The following PDGFD variants were observed in gnomAD, a reference collection of about 807,000 sequenced individuals.
PDGFD encodes the protein platelet-derived growth factor D.
In PDGFD, 30 loss-of-function variants were observed where a neutral mutation model predicts 44.7. The ratio of observed to expected loss-of-function variants is 0.67; its 90% CI spans 0.50 to 0.91. The LOEUF is 0.91. Among genes scored for constraint, PDGFD ranks in the 40% least tolerant of loss-of-function variants. The pLI is 0.00. For synonymous variants in PDGFD, 173 were observed against 168.4 expected (o/e 1.03, Z -0.21); for missense variants, 445 against 457.8 (o/e 0.97, Z 0.25).
chr11:103,909,425 C>T lies in PDGFD; in HGVS notation c.*269G>A, dbSNP rs1416116011. The T allele has an allele frequency of 2.6e-6, 1 of 381,632 alleles. No individual in the cohort carries two copies. The highest frequency in any genetic ancestry group is 4.9e-6 in the Non-Finnish European group (1 of 205,816). 23.6% of individuals were successfully genotyped at this position (381,632 alleles called of 1,614,324 possible). The stretch of plus-strand genomic sequence containing the variant: ...AACATTTGATCTATATACACATAGA[C>T]ATGAATATATTTCTGTGTGTGTTTG... On this transcript the variant is annotated 3_prime_UTR_variant, in exon 7 of 7. Coordinates refer to ENST00000393158, the MANE Select transcript of PDGFD (RefSeq NM_025208.5).
At chr11:103,927,333 AAAAAC>A (rs1297736604) in intron 5 of PDGFD, among the ~76,000 whole-genome samples, 1 of 152,188 alleles carries the variant, frequency 6.6e-6, no homozygotes, top group Non-Finnish European at 1.5e-5. Context: ...AAATAACAAC[AAAAAC>A]AAAACAAAAC....
chr11:103,996,260 A>C lies in PDGFD; in HGVS notation c.330-15T>G. 1 of 1,585,928 alleles carries C rather than the reference A, an allele frequency of 6.3e-7. No individual in the cohort carries two copies. The highest frequency in any genetic ancestry group is 8.6e-7 in the Non-Finnish European group (1 of 1,164,234). ...CAAAATCATACCTAGAATCAATTGG[A>C]CATAATGAACAAGTTTTGATTAAAG... is the stretch of plus-strand genomic sequence containing the variant. On this transcript the variant is annotated splice_polypyrimidine_tract_variant and intron_variant, in intron 2 of 6. Coordinates refer to ENST00000393158, the MANE Select transcript of PDGFD (RefSeq NM_025208.5).
intron 6 of PDGFD, among the ~76,000 whole-genome samples, chr11:103,912,619 A>C (rs1437652210): frequency 6.6e-6 from 1 of 152,208 alleles, no homozygotes. Flanking sequence ...GATCAAATTC[A>C]CACATAATAA....
intron 6 of PDGFD, among the ~76,000 whole-genome samples, chr11:103,911,861 A>C (rs530699313): frequency 1.4e-3 from 218 of 152,108 alleles, no homozygotes; most frequent in African/African-American, 5.1e-3. Context: ...AAATCGATCA[A>C]GCAGAAGAAA....
chr11:104,008,271 AT>A (rs1859733066), intron 1 of PDGFD, among the ~76,000 whole-genome samples: 1 of 152,034 alleles, frequency 6.6e-6, no homozygotes, highest in Non-Finnish European at 1.5e-5. Flanking sequence ...TGGTTGGACT[AT>A]GGGTAATAGA....
At chr11:104,075,304 T>C (rs1860940373) in intron 1 of PDGFD, among the ~76,000 whole-genome samples, 1 of 152,128 alleles carries the variant, frequency 6.6e-6, no homozygotes, top group South Asian at 2.1e-4. Context: ...ATTAGCTGTA[T>C]TTGGCTGTAT....
In PDGFD at chr11:104,115,288, T is replaced by C. The variant is rs182878480; in HGVS notation, c.124+48516A>G. 2.4e-3 allele frequency among the ~76,000 whole-genome samples: 353 copies of C among 149,466 alleles called. 1 individual carries two copies. Among genetic ancestry groups the C allele is most frequent in the African/African-American group, 8.3e-3 (337 of 40,774 alleles). ...ATATATATATGTATGTATATACATA[T>C]ATATATGACTATATATGATGGAATA... On this transcript the variant is annotated intron_variant, in intron 1 of 6. Coordinates refer to ENST00000393158, the MANE Select transcript of PDGFD (RefSeq NM_025208.5).
At chr11:103,951,130 A>G (rs763279730) in intron 3 of PDGFD, among the ~76,000 whole-genome samples, 4 of 152,146 alleles carry the variant, frequency 2.6e-5, no homozygotes, top group Non-Finnish European at 4.4e-5. Context: ...TTCTCTTAGC[A>G]ATACAAATGT....
At chr11:104,117,802 T>A (rs1312693034) in intron 1 of PDGFD, among the ~76,000 whole-genome samples, 1 of 151,968 alleles carries the variant, frequency 6.6e-6, no homozygotes. Flanking sequence ...AAAATGGCCA[T>A]ATTGCCAAAA....
intron 1 of PDGFD, among the ~76,000 whole-genome samples, chr11:104,030,144 G>C (rs2134388910): frequency 6.6e-6 from 1 of 152,194 alleles, no homozygotes; most frequent in South Asian, 2.1e-4. Flanking sequence ...TTTATACTTA[G>C]GTCCCATTTT....
intron 1 of PDGFD, among the ~76,000 whole-genome samples, chr11:104,160,206 G>C (rs1415366287): frequency 6.6e-6 from 1 of 152,088 alleles, no homozygotes; most frequent in African/African-American, 2.4e-5. Flanking sequence ...TAGAACTGCA[G>C]GCCTATCACT....
intron 2 of PDGFD, 29 bp downstream of exon 2, chr11:104,000,022 G>A: frequency 6.4e-7 from 1 of 1,558,290 alleles, no homozygotes; most frequent in Middle Eastern, 1.7e-4. Context: ...CCTTGAAATA[G>A]TACCGTAAAA....
At chr11:104,071,199 T>C (rs925620129) in intron 1 of PDGFD, among the ~76,000 whole-genome samples, 4 of 151,998 alleles carry the variant, frequency 2.6e-5, no homozygotes, top group African/African-American at 9.7e-5. Context: ...TAATAACATT[T>C]TTGTCTTGCA....
chr11:103,947,921 T>C (rs1858688523), intron 3 of PDGFD, among the ~76,000 whole-genome samples, 197 bp from the exon 4 acceptor site: 1 of 152,180 alleles, frequency 6.6e-6, no homozygotes, highest in Non-Finnish European at 1.5e-5. Flanking sequence ...ACATGGACAT[T>C]TTCTTGTAAG....
intron 1 of PDGFD, among the ~76,000 whole-genome samples, chr11:104,030,877 C>T (rs140922652): frequency 1.6e-3 from 239 of 152,254 alleles, no homozygotes; most frequent in African/African-American, 5.7e-3. Context: ...TCCCTGCACC[C>T]CACCTTATCC....
At chr11:104,055,069 T>C (rs929122742) in intron 1 of PDGFD, among the ~76,000 whole-genome samples, 10 of 152,218 alleles carry the variant, frequency 6.6e-5, no homozygotes, top group African/African-American at 2.4e-4. Flanking sequence ...TTCCTACCAA[T>C]GGCTTTTACA....
In PDGFD at chr11:104,037,225, G is replaced by GC. The variant is rs768424667; in HGVS notation, c.125-36971dup. The stretch of plus-strand genomic sequence containing the variant: ...GGGCTTGGCGTCAGGAGAGAAGGTG[G>GC]CCGGCCTGCAAGGTCTGGGCAGCCC... On this transcript the variant is annotated intron_variant, in intron 1 of 6. Transcript: ENST00000393158. 7 of 1,613,698 alleles carry GC rather than the reference G, an allele frequency of 4.3e-6. No individual in the cohort carries two copies. The Admixed American group carries it at 1.0e-4, about 23-fold the overall frequency.
chr11:104,084,413 A>C (rs561535067), intron 1 of PDGFD, among the ~76,000 whole-genome samples: 12 of 152,190 alleles, frequency 7.9e-5, no homozygotes, highest in Non-Finnish European at 1.8e-4. Context: ...TTCCAGGAAG[A>C]AGAAAGGGCT....
intron 1 of PDGFD, among the ~76,000 whole-genome samples, chr11:104,046,219 C>T (rs1001758974): frequency 6.8e-6 from 1 of 147,858 alleles, no homozygotes; most frequent in Non-Finnish European, 1.5e-5. Flanking sequence ...ACATCAGAAG[C>T]AGATACAAGG....
Sources: gnomAD v4.1 joint callset for allele counts (sites outside exome capture counted in the v4.1 genomes callset) on GRCh38, gnomAD v4.1.1 for gene constraint, MANE v1.5 for transcripts, NCBI Gene and HGNC (gene_info 2026-07-23, HGNC 2026-07-21) for gene names.